The following GRIN2B variants were observed in gnomAD, a reference collection of about 807,000 sequenced individuals.
GRIN2B encodes glutamate receptor ionotropic, NMDA 2B.
Under a neutral mutation model 114.5 loss-of-function variants are expected in GRIN2B, and 5 were observed. That is an observed-to-expected ratio of 0.04 (90% confidence interval 0.02 to 0.09). The LOEUF (loss-of-function observed/expected upper bound fraction) is 0.09. Among genes scored for constraint, GRIN2B ranks in the 10% least tolerant of loss-of-function variants. The pLI is 1.00. For missense variants in GRIN2B, 1,108 were observed against 1,943.5 expected (o/e 0.57, Z 8.08); for synonymous variants, 787 against 745.1 (o/e 1.06, Z -0.92).
chr12:13,557,625 A>G lies in GRIN2B; in HGVS notation c.*5158T>C, dbSNP rs1053331519. The G allele has an allele frequency of 1.3e-5, 2 of 152,240 alleles. No homozygotes were observed. The highest frequency in any genetic ancestry group is 1.3e-4 in the Admixed American group (2 of 15,290). The allele number at this position is 152,240 out of a possible 1,614,324, so 9.4% of individuals were successfully genotyped here. ...AAATTATACACTCATATGATTGTGT[A>G]TTGAAAATAATTCCTAACCAGGAGT... On this transcript the variant is annotated 3_prime_UTR_variant, in exon 14 of 14. Transcript: ENST00000609686.
chr12:13,963,236 G>A (rs183423885), intron 2 of GRIN2B, among the ~76,000 whole-genome samples: 4 of 152,102 alleles, frequency 2.6e-5, no homozygotes, highest in Middle Eastern at 6.8e-3. Flanking sequence ...TCGCCCCCTT[G>A]GACACACCTA....
In GRIN2B at chr12:13,554,960, C is replaced by T. The variant is rs1010120424; in HGVS notation, c.*7823G>A. On this transcript the variant is annotated 3_prime_UTR_variant, in exon 14 of 14. Coordinates refer to ENST00000609686, the MANE Select transcript of GRIN2B (RefSeq NM_000834.5). Reference sequence around the variant, plus strand: ...TTGAGTCAAGATGAAGTTGAGTGTTCAGAAGGTGACTGGAAGTATGTGTAT... The same window carrying T: ...TTGAGTCAAGATGAAGTTGAGTGTTTAGAAGGTGACTGGAAGTATGTGTAT... 2 of 152,070 alleles carry T rather than the reference C, an allele frequency of 1.3e-5. No individual in the cohort carries two copies. Among genetic ancestry groups the T allele is most frequent in the Non-Finnish European group, 2.9e-5 (2 of 68,026 alleles). 9.4% of individuals were successfully genotyped at this position (152,070 alleles called of 1,614,324 possible).
rs1353630275 is a variant in GRIN2B at position 13,544,106 on chromosome 12, A to G, written c.*18677T>C. 2 of 152,022 alleles carry G rather than the reference A, an allele frequency of 1.3e-5. No individual in the cohort carries two copies. Among genetic ancestry groups the G allele is most frequent in the Non-Finnish European group, 2.9e-5 (2 of 68,016 alleles). The allele number at this position is 152,022 out of a possible 1,614,324, so 9.4% of individuals were successfully genotyped here. A position where few individuals can be genotyped will look rare whatever the true frequency, so the allele number is the denominator to read the frequency against. On this transcript the variant is annotated 3_prime_UTR_variant, in exon 14 of 14. Transcript: ENST00000609686. ...GGCGTCACATTCTCTATGATCTGCT[A>G]TTTCCATGTCCTCTTTACAGCCAAA...
At chr12:13,783,341 C>T (rs998652579) in intron 3 of GRIN2B, among the ~76,000 whole-genome samples, 3 of 152,072 alleles carry the variant, frequency 2.0e-5, no homozygotes, top group Non-Finnish European at 4.4e-5. Flanking sequence ...ATCTACTTTC[C>T]GCTTATAGGC....
rs146858529 is a variant in GRIN2B at position 13,764,480 on chromosome 12, T to C, written c.412-10565A>G. ...ACCGTTGGCCCAAAAAGTGTTGCCA[T>C]CCTCCCCTGTGGGACCTTGGGTAGC... On this transcript the variant is annotated intron_variant, in intron 3 of 13. Transcript: ENST00000609686. 3.0e-3 allele frequency among the ~76,000 whole-genome samples: 456 copies of C among 152,268 alleles called. 5 individuals are homozygous for C. Among genetic ancestry groups the C allele is most frequent in the African/African-American group, 0.01 (433 of 41,542 alleles).
At chr12:13,685,993 T>C (rs1356035267) in intron 4 of GRIN2B, among the ~76,000 whole-genome samples, 2 of 152,136 alleles carry the variant, frequency 1.3e-5, no homozygotes, top group East Asian at 1.9e-4. Flanking sequence ...AGGGATATTA[T>C]GGATCTGAAA....
chr12:13,562,939 G>A lies in GRIN2B; in HGVS notation c.4299C>T (p.Ala1433=), dbSNP rs745715225. Residue 1433 remains alanine (A), a synonymous_variant, in exon 14 of 14, where the codon GCC becomes GCT. Coordinates refer to ENST00000609686, the MANE Select transcript of GRIN2B (RefSeq NM_000834.5). ...AACGGGCTGGCACGGCCCCATGAAG[G>A]GCCGAGACCACCGGCTTGTTGGTGA... The part of the protein sequence containing the change: ...ALVTNKPVVS[A]LHGAVPARFQ... 6.2e-6 allele frequency: 10 copies of A among 1,614,138 alleles called. No individual in the cohort carries two copies. In the South Asian group the frequency reaches 8.8e-5, roughly 14 times the overall value.
At chr12:13,867,545 T>C (rs1333025532) in intron 2 of GRIN2B, among the ~76,000 whole-genome samples, 2 of 152,188 alleles carry the variant, frequency 1.3e-5, no homozygotes, top group African/African-American at 4.8e-5. Context: ...ACTGCCCGAA[T>C]CCATAAAAAA....
intron 4 of GRIN2B, among the ~76,000 whole-genome samples, chr12:13,731,394 T>A (rs1376168033): frequency 6.6e-6 from 1 of 152,062 alleles, no homozygotes; most frequent in African/African-American, 2.4e-5. Flanking sequence ...GGTCAGGAGA[T>A]CAAGACCATC....
intron 4 of GRIN2B, among the ~76,000 whole-genome samples, chr12:13,703,081 G>C (rs1472449289): frequency 1.3e-5 from 2 of 152,140 alleles, no homozygotes; most frequent in Non-Finnish European, 2.9e-5. Context: ...AAACTGTTTT[G>C]TGAATCACCA....
intron 10 of GRIN2B, among the ~76,000 whole-genome samples, chr12:13,597,216 A>C (rs1033810907): frequency 2.0e-5 from 3 of 152,212 alleles, no homozygotes; most frequent in African/African-American, 7.2e-5. Flanking sequence ...AAGGGAACTT[A>C]AGGCTGAATC....
At chr12:13,592,932 A>C (rs1457204759) in intron 10 of GRIN2B, among the ~76,000 whole-genome samples, 1 of 152,228 alleles carries the variant, frequency 6.6e-6, no homozygotes. Context: ...GTTTAAATAC[A>C]TAAAAGCATG....
chr12:13,927,539 T>C (rs974099971), intron 2 of GRIN2B, among the ~76,000 whole-genome samples: 1 of 152,040 alleles, frequency 6.6e-6, no homozygotes, highest in African/African-American at 2.4e-5. Flanking sequence ...TAAAAACAAA[T>C]AGCAGACCAG....
rs1014164178 is a variant in GRIN2B, at chr12:13,547,108, A to G, written c.*15675T>C. On this transcript the variant is annotated 3_prime_UTR_variant, in exon 14 of 14. Transcript: ENST00000609686. ...CTTTTAACAGTCTGATAGTTTAGAT[A>G]AGAATACAGTTTAAGGGATATATCC... 6.6e-6 allele frequency: 1 copy of G among 152,186 alleles called. No individual in the cohort carries two copies. The highest frequency in any genetic ancestry group is 2.4e-5 in the African/African-American group (1 of 41,430). The allele number at this position is 152,186 out of a possible 1,614,324, so 9.4% of individuals were successfully genotyped here. A position where few individuals can be genotyped will look rare whatever the true frequency, so the allele number is the denominator to read the frequency against.
chr12:13,605,838 G>C (rs1352043120), intron 10 of GRIN2B, among the ~76,000 whole-genome samples: 1 of 152,110 alleles, frequency 6.6e-6, no homozygotes, highest in African/African-American at 2.4e-5. Flanking sequence ...AGTAATTTTT[G>C]AGACATTTGA....
intron 2 of GRIN2B, among the ~76,000 whole-genome samples, chr12:13,960,557 C>A (rs1214222512): frequency 6.6e-6 from 1 of 151,984 alleles, no homozygotes; most frequent in Non-Finnish European, 1.5e-5. Context: ...GGAGGAGACC[C>A]CAAAGCATCA....
chr12:13,951,054 G>A (rs1034810729), intron 2 of GRIN2B, among the ~76,000 whole-genome samples: 1 of 152,164 alleles, frequency 6.6e-6, no homozygotes, highest in Non-Finnish European at 1.5e-5. Flanking sequence ...AAGGCCAAGA[G>A]AGAGTAGTGA....
In GRIN2B at chr12:13,542,935, A is replaced by G. The variant is rs1450958945; in HGVS notation, c.*19848T>C. 6.6e-6 allele frequency: 1 copy of G among 151,752 alleles called. No homozygotes were observed. Among genetic ancestry groups the G allele is most frequent in the African/African-American group, 2.4e-5 (1 of 41,312 alleles). The allele number at this position is 151,752 out of a possible 1,614,324, so 9.4% of individuals were successfully genotyped here. On this transcript the variant is annotated 3_prime_UTR_variant, in exon 14 of 14. Coordinates refer to ENST00000609686, the MANE Select transcript of GRIN2B (RefSeq NM_000834.5). ...GATGCCCTTCTTGCCCCTCATTGCC[A>G]TTCCAGACCATCCTCCCTCCTTTTT...
chr12:13,942,748 G>GT (rs1165858493), intron 2 of GRIN2B, among the ~76,000 whole-genome samples: 4 of 152,112 alleles, frequency 2.6e-5, no homozygotes, highest in African/African-American at 9.7e-5. Flanking sequence ...TTAGAATACA[G>GT]TATCTTTCAG....
Sources: gnomAD v4.1 joint callset for allele counts (sites outside exome capture counted in the v4.1 genomes callset) on GRCh38, gnomAD v4.1.1 for gene constraint, MANE v1.5 for transcripts, NCBI Gene and HGNC (gene_info 2026-07-23, HGNC 2026-07-21) for gene names.